Variants in RBBP5 observed in about 807,000 individuals in gnomAD.
The protein encoded by RBBP5 is RB binding protein 5, histone lysine methyltransferase complex subunit.
Under a neutral mutation model 72.2 loss-of-function variants are expected in RBBP5, and 5 were observed. The ratio of observed to expected loss-of-function variants is 0.07; its 90% confidence interval spans 0.04 to 0.15. The LOEUF is 0.15. RBBP5 is among the 10% of genes least tolerant of loss of function. The pLI is 1.00. For synonymous variants in RBBP5, 209 were observed against 237.2 expected (o/e 0.88, Z 1.09); for missense variants, 322 against 652.2 (o/e 0.49, Z 5.51).
chr1:205,099,002 C>T lies in RBBP5; in HGVS notation c.1083G>A (p.Glu361=), dbSNP rs1443133625. Residue 361 remains glutamate (E), a synonymous_variant, in exon 10 of 14, where the codon GAG becomes GAA. Transcript: ENST00000264515. The surrounding 1 kb of genome is among the most constrained non-coding windows in gnomAD (Gnocchi z 4.7). ...TAGAAATAGTACCTGTCTGCTCAGG[C>T]TCACTCTTATCTTCATCTTCAATAT... is the stretch of plus-strand genomic sequence containing the variant. The part of the protein sequence containing the change: ...EFDIEDEDKS[E]PEQTGADAAE... 2 of 1,601,946 alleles carry T rather than the reference C, an allele frequency of 1.2e-6. No homozygotes were observed.
At chr1:205,113,888 T>C (rs1426542104) in intron 3 of RBBP5, among the ~76,000 whole-genome samples, 3 of 152,124 alleles carry the variant, frequency 2.0e-5, no homozygotes, top group African/African-American at 2.4e-5. Flanking sequence ...TTTCACCATG[T>C]TGGCCAGGCC....
chr1:205,116,561 G>A (rs1287790844), intron 1 of RBBP5, among the ~76,000 whole-genome samples: 1 of 152,214 alleles, frequency 6.6e-6, no homozygotes, highest in East Asian at 1.9e-4. Flanking sequence ...GCTCACGCCT[G>A]TAATCCCAGA....
intron 3 of RBBP5, among the ~76,000 whole-genome samples, chr1:205,109,353 A>AAT (rs1419959614): frequency 6.6e-6 from 1 of 152,186 alleles, no homozygotes; most frequent in African/African-American, 2.4e-5. Context: ...AAGAAAAAGC[A>AAT]ATACACATTA....
rs945456231 is a variant in RBBP5, at chr1:205,094,785, G to A, written c.1588+88C>T. The A allele has an allele frequency of 3.7e-6, 5 of 1,350,274 alleles. No homozygotes were observed. The African/African-American group carries it at 5.9e-5, about 16-fold the overall frequency. 83.6% of individuals were successfully genotyped at this position (1,350,274 alleles called of 1,614,324 possible). A position where few individuals can be genotyped will look rare whatever the true frequency, so the allele number is the denominator to read the frequency against. ...CTGGGAAAAACGAGGGAAGAGAGGG[G>A]GAAAAAATGTTGCAGTTAAATGAAG... On this transcript the variant is annotated intron_variant, in intron 13 of 13. Transcript: ENST00000264515.
chr1:205,101,894 CTTTTTTTTT>C (rs10562809), intron 5 of RBBP5, among the ~76,000 whole-genome samples, 185 bp from the exon 6 acceptor site: 2 of 119,744 alleles, frequency 1.7e-5, no homozygotes, highest in Non-Finnish European at 1.7e-5. Context: ...TTAATCTAGT[CTTTTTTTTT>C]TTTTTTTTTT....
chr1:205,105,235 T>G, intron 3 of RBBP5, 67 bp from the exon 4 acceptor site: 1 of 1,537,074 alleles, frequency 6.5e-7, no homozygotes, highest in Non-Finnish European at 8.9e-7. Context: ...ATGAATAAAC[T>G]GTGTAAGTCA....
chr1:205,100,610 T>C (rs1361407821), intron 6 of RBBP5, among the ~76,000 whole-genome samples: 1 of 152,210 alleles, frequency 6.6e-6, no homozygotes, highest in Non-Finnish European at 1.5e-5. Flanking sequence ...TATATATTTT[T>C]TAAATGAGGT....
intron 6 of RBBP5, among the ~76,000 whole-genome samples, chr1:205,101,316 T>TA (rs1655811787): frequency 6.6e-6 from 1 of 152,320 alleles, no homozygotes; most frequent in Admixed American, 6.5e-5. Context: ...AATAAGTTAA[T>TA]ATATACCCAG....
At chr1:205,101,732 A>G (rs1425898646) in intron 5 of RBBP5, 23 bp from the exon 6 acceptor site, 1 of 1,518,172 alleles carries the variant, frequency 6.6e-7, no homozygotes, top group Non-Finnish European at 9.1e-7. Context: ...GGAGGGGGGA[A>G]AAAAGTAAGT....
rs973550590 is a variant in RBBP5, at chr1:205,087,359, G to C, written c.*1428C>G. ...TTACAGGCATGTACTACCACGCCCA[G>C]CTAATTTTTGTCTTTTAATAGATAC... On this transcript the variant is annotated 3_prime_UTR_variant, in exon 14 of 14. Transcript: ENST00000264515. 3 of 151,966 alleles carry C rather than the reference G, an allele frequency of 2.0e-5. No individual in the cohort carries two copies. The highest frequency in any genetic ancestry group is 7.3e-5 in the African/African-American group (3 of 41,374). 9.4% of individuals were successfully genotyped at this position (151,966 alleles called of 1,614,324 possible).
intron 4 of RBBP5, 56 bp from the exon 5 acceptor site, chr1:205,104,075 TC>T: frequency 1.3e-6 from 2 of 1,556,128 alleles, no homozygotes; most frequent in South Asian, 2.3e-5. Context: ...GCAAGCTGAT[TC>T]CCTGTCCTTT....
chr1:205,103,748 G>A (rs1574702325), intron 5 of RBBP5, 109 bp downstream of exon 5: 1 of 1,242,034 alleles, frequency 8.1e-7, no homozygotes, highest in East Asian at 2.4e-5. Flanking sequence ...GCTGCAGAAA[G>A]GAGCTGTGCT....
Position 205,100,016 on chromosome 1 carries a change from C to G in RBBP5, c.801G>C (p.Val267=), listed in dbSNP as rs1558574141. ...GGGCATGCTGCCGGGCAGAACCTGC[C>G]ACGATGTATTCCCCATCCCCAGAGA... The part of the protein sequence containing the change: ...CCFSGDGEYI[V]AGSARQHALY... Residue 267 remains valine (V), a synonymous_variant, in exon 8 of 14, where the codon GTG becomes GTC. Transcript: ENST00000264515. 3 of 1,614,164 alleles carry G rather than the reference C, an allele frequency of 1.9e-6. No homozygotes were observed. In the South Asian group the frequency reaches 3.3e-5, roughly 18 times the overall value.
chr1:205,093,552 A>C, intron 13 of RBBP5, among the ~76,000 whole-genome samples: 1 of 66,374 alleles, frequency 1.5e-5, no homozygotes, highest in African/African-American at 3.9e-5. Context: ...ACACACACAC[A>C]CACACACACA....
chr1:205,103,113 T>G (rs1342452346), intron 5 of RBBP5, among the ~76,000 whole-genome samples: 1 of 149,566 alleles, frequency 6.7e-6, no homozygotes, highest in Admixed American at 6.8e-5. Flanking sequence ...TAATTCCAGC[T>G]ACTCAAGAGG....
At chr1:205,120,156 C>G (rs2102341744) in intron 1 of RBBP5, among the ~76,000 whole-genome samples, 1 of 152,240 alleles carries the variant, frequency 6.6e-6, no homozygotes, top group Middle Eastern at 3.4e-3. Flanking sequence ...TTTTCTATTT[C>G]CTAGCTCAGG....
At chr1:205,118,868 A>G (rs1247179778) in intron 1 of RBBP5, among the ~76,000 whole-genome samples, 1 of 152,188 alleles carries the variant, frequency 6.6e-6, no homozygotes, top group Non-Finnish European at 1.5e-5. Flanking sequence ...GCAGAAGTAA[A>G]ACTAGTGTCT....
chr1:205,108,911 A>G (rs111585578), intron 3 of RBBP5, among the ~76,000 whole-genome samples: 3 of 152,352 alleles, frequency 2.0e-5, no homozygotes, highest in South Asian at 2.1e-4. Context: ...TTGGCACATA[A>G]TAAGTACTCA....
At chr1:205,116,024 G>A (rs1335862274) in intron 1 of RBBP5, 141 bp from the exon 2 acceptor site, 10 of 1,541,266 alleles carry the variant, frequency 6.5e-6, no homozygotes, top group South Asian at 5.7e-5. Context: ...AGGCCATACG[G>A]ATTTTCAAGA....
Sources: allele counts gnomAD v4.1 joint callset (sites outside exome capture counted in the v4.1 genomes callset), GRCh38; gene constraint gnomAD v4.1.1; non-coding constraint Gnocchi (gnomAD v3.1); transcripts MANE v1.5; gene names NCBI Gene and HGNC (gene_info 2026-07-23, HGNC 2026-07-21).